Variants in MCF2L observed in about 807,000 individuals in gnomAD.
MCF2L encodes MCF.2 cell line derived transforming sequence like, also known as guanine nucleotide exchange factor DBS.
Under a neutral mutation model 153.4 loss-of-function variants are expected in MCF2L, and 97 were observed. The observed-to-expected ratio is 0.63, with a 90% CI of 0.54 to 0.75. The LOEUF (loss-of-function observed/expected upper bound fraction) is 0.75. MCF2L is among the 30% of genes least tolerant of loss of function. The pLI is 0.00. For missense variants in MCF2L, 1,347 were observed against 1,495.2 expected (o/e 0.90, Z 1.64); for synonymous variants, 659 against 632.2 (o/e 1.04, Z -0.64).
intron 1 of MCF2L, among the ~76,000 whole-genome samples, chr13:113,014,398 G>A (rs896159256): frequency 1.3e-5 from 2 of 152,170 alleles, no homozygotes; most frequent in Non-Finnish European, 2.9e-5. Context: ...CCTAATGTGG[G>A]TGGGACTCAG....
chr13:113,025,260 G>C (rs367757302), intron 3 of MCF2L, among the ~76,000 whole-genome samples: 7 of 103,784 alleles, frequency 6.7e-5, no homozygotes, highest in South Asian at 3.1e-4. Flanking sequence ...CCCCGTCATG[G>C]GGTCCCCGTG....
chr13:112,998,127 G>A (rs753859331), intron 1 of MCF2L, among the ~76,000 whole-genome samples: 4 of 152,216 alleles, frequency 2.6e-5, no homozygotes, highest in Admixed American at 6.5e-5. Context: ...TCCGAACCCC[G>A]TGCACAGCGC....
chr13:112,919,018 C>T (rs1354538955), intron 2 of MCF2L, among the ~76,000 whole-genome samples: 1 of 152,236 alleles, frequency 6.6e-6, no homozygotes, highest in African/African-American at 2.4e-5. Flanking sequence ...GACCTCTATG[C>T]TGACACCTGT....
chr13:113,024,430 C>T (rs1455246808), intron 2 of MCF2L, among the ~76,000 whole-genome samples: 2 of 152,204 alleles, frequency 1.3e-5, no homozygotes, highest in African/African-American at 2.4e-5. Context: ...GCCAAAATAA[C>T]GAGTGATTGT....
intron 3 of MCF2L, among the ~76,000 whole-genome samples, chr13:113,036,902 C>G (rs955741425): frequency 1.6e-4 from 24 of 152,352 alleles, no homozygotes; most frequent in African/African-American, 5.5e-4. Context: ...GCCTCACTCT[C>G]AAATCATCAC....
In MCF2L at chr13:113,046,471, G is replaced by A. The variant is rs746780975; in HGVS notation, c.369+1110G>A. On this transcript the variant is annotated intron_variant, in intron 4 of 29. Transcript: ENST00000535094. The surrounding 1 kb of genome is among the most constrained non-coding windows in gnomAD (Gnocchi z 4.4). ...ATTCTCCTGGCCTTTCCTGGGTCCC[G>A]CGTTCAGACTACCTTTGGGTTCCCC... 4.9e-5 allele frequency: 25 copies of A among 505,458 alleles called. No individual in the cohort carries two copies. The highest frequency in any genetic ancestry group is 7.9e-5 in the African/African-American group (4 of 50,446). 31.3% of individuals were successfully genotyped at this position (505,458 alleles called of 1,614,324 possible). A position where few individuals can be genotyped will look rare whatever the true frequency, so the allele number is the denominator to read the frequency against.
chr13:112,898,532 G>GC lies in MCF2L; in HGVS notation c.-4-3666dup, dbSNP rs1202445791. Among the ~76,000 whole-genome samples the GC allele has an allele frequency of 2.0e-5, 3 of 152,104 alleles. No individual in the cohort carries two copies. The East Asian group carries it at 5.8e-4, about 29-fold the overall frequency. ...CCTCAGGCCCATCCTGCCAGACACG[G>GC]CAGCAGCAGGGGTAACGCCCACGGC... On this transcript the variant is annotated intron_variant, in intron 1 of 29. Coordinates refer to the MCF2L transcript ENST00000375608.
At chr13:113,060,834 G>A (rs989736548) in intron 5 of MCF2L, 122 bp downstream of exon 5, 154 of 1,348,402 alleles carry the variant, frequency 1.1e-4, no homozygotes, top group African/African-American at 2.5e-4. Context: ...ACAAAACCCC[G>A]CAGGACCTGG....
chr13:112,999,194 G>A (rs928015293), intron 1 of MCF2L, among the ~76,000 whole-genome samples: 2 of 152,194 alleles, frequency 1.3e-5, no homozygotes, highest in African/African-American at 4.8e-5. Flanking sequence ...CTGCCCTATG[G>A]TGACTGTTGC....
intron 2 of MCF2L, among the ~76,000 whole-genome samples, chr13:112,942,927 C>T (rs2081591137): frequency 6.6e-6 from 1 of 152,192 alleles, no homozygotes; most frequent in African/African-American, 2.4e-5. Context: ...TGGGACAGCA[C>T]CCTCGTGAGC....
At chr13:112,924,556 C>A (rs369181479) in intron 2 of MCF2L, among the ~76,000 whole-genome samples, 22 of 152,084 alleles carry the variant, frequency 1.4e-4, no homozygotes, top group East Asian at 1.2e-3. Context: ...AATGCTGATA[C>A]GAGGAAAACT....
rs758132211 is a variant in MCF2L at position 113,094,602 on chromosome 13, A to C, written c.3042A>C (p.Ala1014=). Residue 1014 remains alanine, a synonymous_variant, in exon 27 of 30, where the codon GCA becomes GCC. Coordinates refer to ENST00000535094, the MANE Select transcript of MCF2L (RefSeq NM_001112732.3). The part of the protein sequence containing the change: ...SAEEQINSSD[A]EEDGGLGPKK... ...AGGAGCAGATTAACTCGTCCGACGC[A>C]GAGGAGGACGGCGGGTTGGGCCCCA... 1.9e-6 allele frequency: 3 copies of C among 1,612,124 alleles called. No individual in the cohort carries two copies. Among genetic ancestry groups the C allele is most frequent in the East Asian group, 2.2e-5 (1 of 44,892 alleles).
At chr13:112,979,667 G>T in intron 1 of MCF2L, 1 of 1,612,868 alleles carries the variant, frequency 6.2e-7, no homozygotes, top group South Asian at 1.1e-5. Context: ...AGGGCGGTTC[G>T]ATGGCCGAGA....
At chr13:113,092,560 T>C (rs1007878784) in intron 26 of MCF2L, among the ~76,000 whole-genome samples, 3 of 152,250 alleles carry the variant, frequency 2.0e-5, no homozygotes, top group African/African-American at 7.2e-5. Context: ...GCCTGAGCGC[T>C]GCCCAGCACC....
intron 2 of MCF2L, among the ~76,000 whole-genome samples, chr13:112,913,766 G>A (rs987081070): frequency 5.3e-5 from 8 of 152,052 alleles, no homozygotes; most frequent in African/African-American, 1.7e-4. Context: ...ATTCGTTGAC[G>A]TCCTCTCAAC....
At chr13:113,085,949 A>G (rs2034600232) in intron 20 of MCF2L, among the ~76,000 whole-genome samples, 175 bp from the exon 21 acceptor site, 1 of 151,774 alleles carries the variant, frequency 6.6e-6, no homozygotes, top group African/African-American at 2.4e-5. Flanking sequence ...GTGCTGCCCC[A>G]TCTGCAGCAC....
At chr13:113,030,916 T>G (rs1313633856) in intron 3 of MCF2L, among the ~76,000 whole-genome samples, 4 of 151,962 alleles carry the variant, frequency 2.6e-5, no homozygotes, top group African/African-American at 9.7e-5. Flanking sequence ...CAGCACACAC[T>G]GGGAACACAA....
rs147839141 is a variant in MCF2L at position 113,045,891 on chromosome 13, T to C, written c.369+530T>C. 4.2e-3 allele frequency: 666 copies of C among 159,084 alleles called. 3 individuals carry two copies. Among genetic ancestry groups the C allele is most frequent in the African/African-American group, 0.015 (640 of 41,468 alleles). The allele number at this position is 159,084 out of a possible 1,614,324, so 9.9% of individuals were successfully genotyped here. A position where few individuals can be genotyped will look rare whatever the true frequency, so the allele number is the denominator to read the frequency against. ...GAAGTGGTACTGCACAGCTTTCCTA[T>C]GTGATTTTCTCCTTTCCAAATCAGG... is the stretch of plus-strand genomic sequence containing the variant. On this transcript the variant is annotated intron_variant, in intron 4 of 29. Transcript: ENST00000535094. The surrounding 1 kb of genome is among the most constrained non-coding windows in gnomAD (Gnocchi z 4.2).
intron 2 of MCF2L, chr13:112,909,220 A>C (rs1398717054): frequency 1.3e-6 from 1 of 779,702 alleles, no homozygotes; most frequent in East Asian, 2.4e-5. Flanking sequence ...ACCTCTCCCC[A>C]GATGTCTAAT....
Sources: gnomAD v4.1 joint callset for allele counts (sites outside exome capture counted in the v4.1 genomes callset) on GRCh38, gnomAD v4.1.1 for gene constraint, Gnocchi (gnomAD v3.1) non-coding constraint, MANE v1.5 for transcripts, NCBI Gene and HGNC (gene_info 2026-07-23, HGNC 2026-07-21) for gene names.